Variants in ADGRB3 observed in about 807,000 individuals in gnomAD.
ADGRB3 encodes adhesion G protein-coupled receptor B3.
Under a neutral mutation model 193.4 loss-of-function variants are expected in ADGRB3, and 37 were observed. The observed-to-expected ratio is 0.19, with a 90% CI of 0.15 to 0.25. The LOEUF is 0.25. Among genes scored for constraint, ADGRB3 ranks in the 10% least tolerant of loss-of-function variants. The pLI, the probability that ADGRB3 is intolerant of heterozygous loss-of-function variation, is 1.00. For synonymous variants in ADGRB3, 690 were observed against 644.2 expected (o/e 1.07, Z -1.08); for missense variants, 1,637 against 1,852.9 (o/e 0.88, Z 2.14).
At chr6:68,904,006 AAG>A (rs1323331226) in intron 3 of ADGRB3, among the ~76,000 whole-genome samples, 4 of 145,392 alleles carry the variant, frequency 2.8e-5, no homozygotes, top group African/African-American at 5.0e-5. Flanking sequence ...AAAAAAAAAA[AAG>A]GGGAGAAGAA....
At chr6:69,018,865 A>C (rs1239112910) in intron 13 of ADGRB3, among the ~76,000 whole-genome samples, 1 of 151,966 alleles carries the variant, frequency 6.6e-6, no homozygotes, top group Non-Finnish European at 1.5e-5. Flanking sequence ...TTTGAAAAAC[A>C]ACATATTAGT....
chr6:68,702,636 C>T (rs1765260306), intron 3 of ADGRB3, among the ~76,000 whole-genome samples: 1 of 152,084 alleles, frequency 6.6e-6, no homozygotes, highest in South Asian at 2.1e-4. Flanking sequence ...GCCAAAAAGA[C>T]AGAGAACTCA....
chr6:69,323,342 T>C (rs1768502943), intron 20 of ADGRB3, among the ~76,000 whole-genome samples: 1 of 151,930 alleles, frequency 6.6e-6, no homozygotes, highest in Non-Finnish European at 1.5e-5. Flanking sequence ...TTGGTGACTA[T>C]AGATCAAAAA....
intron 3 of ADGRB3, among the ~76,000 whole-genome samples, chr6:68,846,080 G>A (rs1768269212): frequency 6.6e-6 from 1 of 152,160 alleles, no homozygotes; most frequent in Non-Finnish European, 1.5e-5. Flanking sequence ...TAGAGTAAAG[G>A]TGACTCTTGC....
chr6:68,796,217 C>T (rs1767204582), intron 3 of ADGRB3, among the ~76,000 whole-genome samples: 1 of 151,974 alleles, frequency 6.6e-6, no homozygotes, highest in Admixed American at 6.6e-5. Context: ...CTAGATCGAG[C>T]TCTATATTGA....
intron 20 of ADGRB3, among the ~76,000 whole-genome samples, chr6:69,312,266 A>G (rs1413895377): frequency 6.6e-6 from 1 of 151,770 alleles, no homozygotes; most frequent in East Asian, 1.9e-4. Flanking sequence ...AGGGAAATAC[A>G]AGGATGATGT....
In ADGRB3 at chr6:68,663,040, C is replaced by G. The variant is rs565545681; in HGVS notation, c.757+23608C>G. 2.0e-5 allele frequency among the ~76,000 whole-genome samples: 3 copies of G among 151,274 alleles called. No individual in the cohort carries two copies. The South Asian group carries it at 6.2e-4, about 31-fold the overall frequency. On this transcript the variant is annotated intron_variant, in intron 3 of 31. Transcript: ENST00000370598. ...GCTTTCAACAATGTTATATGGAAGT[C>G]AGCTTTCAACAATATTATATGGAAA...
intron 3 of ADGRB3, among the ~76,000 whole-genome samples, chr6:68,758,475 CCTTT>C (rs1249735879): frequency 3.9e-5 from 6 of 151,994 alleles, no homozygotes; most frequent in African/African-American, 1.4e-4. Flanking sequence ...TCATTGTGTC[CCTTT>C]CTTTGTAAAA....
intron 20 of ADGRB3, among the ~76,000 whole-genome samples, chr6:69,302,002 A>C (rs1767958565): frequency 1.3e-5 from 2 of 151,920 alleles, no homozygotes; most frequent in Non-Finnish European, 2.9e-5. Flanking sequence ...TTAGAAAGAG[A>C]TTTAGCTTTA....
At chr6:68,911,175 C>A (rs922430892) in intron 3 of ADGRB3, among the ~76,000 whole-genome samples, 39 of 149,286 alleles carry the variant, frequency 2.6e-4, no homozygotes, top group Non-Finnish European at 3.5e-4. Flanking sequence ...GGACAAAAAA[C>A]CAAACACTGC....
At chr6:68,724,371 A>C (rs1198179586) in intron 3 of ADGRB3, among the ~76,000 whole-genome samples, 3 of 151,808 alleles carry the variant, frequency 2.0e-5, no homozygotes, top group African/African-American at 7.2e-5. Flanking sequence ...GGGAATGGCC[A>C]ACATATAGGT....
intron 30 of ADGRB3, among the ~76,000 whole-genome samples, chr6:69,378,811 G>A (rs1408458974): frequency 2.6e-5 from 4 of 151,858 alleles, no homozygotes; most frequent in Non-Finnish European, 4.4e-5. Flanking sequence ...AGAGTTCTTG[G>A]GATATAGCAG....
chr6:69,245,849 C>T (rs1405907995), intron 20 of ADGRB3, among the ~76,000 whole-genome samples: 1 of 152,094 alleles, frequency 6.6e-6, no homozygotes, highest in East Asian at 1.9e-4. Context: ...CTAAGTCATA[C>T]TCATTATTAA....
chr6:68,718,332 A>G (rs1765519885), intron 3 of ADGRB3, among the ~76,000 whole-genome samples: 2 of 151,694 alleles, frequency 1.3e-5, no homozygotes, highest in Admixed American at 6.6e-5. Context: ...AAATTTTAAC[A>G]AATACCAGAG....
At chr6:68,974,978 A>G (rs866209967) in intron 9 of ADGRB3, 114 bp downstream of exon 9, 3 of 875,126 alleles carry the variant, frequency 3.4e-6, no homozygotes, top group Middle Eastern at 4.5e-4. Flanking sequence ...AGTCTGTCCA[A>G]TAAGCAAATA....
intron 3 of ADGRB3, among the ~76,000 whole-genome samples, chr6:68,841,972 A>C (rs1213252308): frequency 6.6e-6 from 1 of 152,064 alleles, no homozygotes; most frequent in Non-Finnish European, 1.5e-5. Context: ...GGATGTCTAT[A>C]GTCAATAATA....
chr6:69,095,582 A>G (rs572826539), intron 17 of ADGRB3, among the ~76,000 whole-genome samples: 3 of 152,318 alleles, frequency 2.0e-5, no homozygotes, highest in South Asian at 4.1e-4. Context: ...TTAGCAATGT[A>G]AGATTTTTCC....
chr6:68,637,742 TGATAA>T (rs1360358449), intron 2 of ADGRB3, among the ~76,000 whole-genome samples, 180 bp downstream of exon 2: 3 of 152,074 alleles, frequency 2.0e-5, no homozygotes, highest in Non-Finnish European at 4.4e-5. Flanking sequence ...AAATTACAGT[TGATAA>T]GATAATTTTT....
intron 3 of ADGRB3, among the ~76,000 whole-genome samples, chr6:68,897,564 GAGAAACAA>G: frequency 2.6e-5 from 1 of 38,738 alleles, no homozygotes; most frequent in African/African-American, 1.4e-4. Flanking sequence ...AGGAAAGAAA[GAGAAACAA>G]GAAAGAAGGA....
Sources: allele counts gnomAD v4.1 joint callset (sites outside exome capture counted in the v4.1 genomes callset), GRCh38; gene constraint gnomAD v4.1.1; transcripts MANE v1.5; gene names NCBI Gene and HGNC (gene_info 2026-07-23, HGNC 2026-07-21).